The following ATXN2L variants were observed in gnomAD, a reference collection of about 807,000 sequenced individuals.
The protein encoded by ATXN2L is ataxin-2-like protein.
ATXN2L carries 24 observed loss-of-function variants against 120.7 expected under a neutral mutation model. The observed-to-expected ratio is 0.20, with a 90% CI of 0.14 to 0.28. The LOEUF (loss-of-function observed/expected upper bound fraction) is 0.28, where lower values mean the gene tolerates loss of function less well. Ranked by LOEUF, ATXN2L falls within the 10% of genes least tolerant of loss-of-function variation. The pLI is 1.00. For synonymous variants in ATXN2L, 653 were observed against 568.1 expected (o/e 1.15, Z -2.13); for missense variants, 1,312 against 1,432.3 (o/e 0.92, Z 1.36).
intron 5 of ATXN2L, 110 bp from the exon 6 acceptor site, chr16:28,826,752 A>C (rs12448482): frequency 7.6e-7 from 1 of 1,322,908 alleles, no homozygotes. Flanking sequence ...CGTACTCTGG[A>C]CTTCTTAAAC....
chr16:28,825,592 C>T (rs780204806), intron 2 of ATXN2L, 32 bp from the exon 3 acceptor site: 4 of 1,605,502 alleles, frequency 2.5e-6, no homozygotes, highest in African/African-American at 1.3e-5. Context: ...ACTGATTACT[C>T]CTTTAATTCT....
At position 28,832,536 on chromosome 16, in the gene ATXN2L, G is replaced by A; in HGVS notation, c.1557G>A (p.Glu519=). 6.2e-7 allele frequency: 1 copy of A among 1,614,208 alleles called. No individual in the cohort carries two copies. Among genetic ancestry groups the A allele is most frequent in the Non-Finnish European group, 8.5e-7 (1 of 1,180,026 alleles). Residue 519 remains glutamate, a synonymous_variant, in exon 12 of 22, where the codon GAG becomes GAA. Transcript: ENST00000336783. ...LSTKEPGRTL[E]PQELARIAGK... is the part of the protein sequence containing the mutation. ...CCAAGGAACCTGGGAGAACTCTGGAGCCCCAGGAGCTGGCTCGGATAGCTG... is the reference window on the plus strand; with the variant it reads ...CCAAGGAACCTGGGAGAACTCTGGAACCCCAGGAGCTGGCTCGGATAGCTG...
intron 20 of ATXN2L, 55 bp from the exon 21 acceptor site, chr16:28,835,494 T>A: frequency 6.2e-7 from 1 of 1,610,506 alleles, no homozygotes; most frequent in Non-Finnish European, 8.5e-7. Flanking sequence ...TGGCGAGGAC[T>A]GGGGGCCAGC....
chr16:28,830,844 G>A (rs2054106647), intron 9 of ATXN2L, 54 bp downstream of exon 9: 2 of 1,550,944 alleles, frequency 1.3e-6, no homozygotes, highest in Admixed American at 2.0e-5. Flanking sequence ...TGCCAAGGAG[G>A]TGGGAGGGTA....
chr16:28,825,931 A>C, intron 4 of ATXN2L, 90 bp downstream of exon 4: 1 of 1,261,548 alleles, frequency 7.9e-7, no homozygotes, highest in Non-Finnish European at 1.1e-6. Context: ...GGGTGATGTC[A>C]GAGTATGCCT....
chr16:28,827,944 A>G (rs1237106019), intron 6 of ATXN2L, among the ~76,000 whole-genome samples: 1 of 152,062 alleles, frequency 6.6e-6, no homozygotes, highest in East Asian at 1.9e-4. Flanking sequence ...TGAATATATT[A>G]TTGTTTTGTT....
chr16:28,824,366 T>C, intron 1 of ATXN2L: 1 of 1,230,548 alleles, frequency 8.1e-7, no homozygotes, highest in African/African-American at 1.6e-5. Context: ...AGGTGGGGGT[T>C]CGGAAAGTCC....
chr16:28,824,161 G>T (rs2050781389), intron 1 of ATXN2L: 1 of 1,023,246 alleles, frequency 9.8e-7, no homozygotes, highest in Non-Finnish European at 1.2e-6. Context: ...ACGTGCGCGT[G>T]GATGCTCGGT....
chr16:28,830,066 T>C lies in ATXN2L; in HGVS notation c.1034+8T>C, dbSNP rs1184142667. 1 of 1,607,088 alleles carries C rather than the reference T, an allele frequency of 6.2e-7. No homozygotes were observed. The highest frequency in any genetic ancestry group is 2.2e-5 in the East Asian group (1 of 44,658). ...CCCCAGCTTGGCATCCAGGTGACTG[T>C]TGCAAACAGCCAGGACTACTTGGGG... On this transcript the variant is annotated splice_region_variant and intron_variant, in intron 8 of 21. Coordinates refer to ENST00000336783, the MANE Select transcript of ATXN2L (RefSeq NM_007245.4).
In ATXN2L at chr16:28,836,523, T is replaced by C; in HGVS notation, c.*258T>C. ...CAGCAGACAGGGCCAGACTGGGGTGTGGGGGGCTGAGCTGGGCACATGAGT... is the reference window on the plus strand; with the variant it reads ...CAGCAGACAGGGCCAGACTGGGGTGCGGGGGGCTGAGCTGGGCACATGAGT... On this transcript the variant is annotated 3_prime_UTR_variant, in exon 22 of 22. Transcript: ENST00000336783. 6.3e-7 allele frequency: 1 copy of C among 1,594,976 alleles called. No homozygotes were observed. The highest frequency in any genetic ancestry group is 1.7e-4 in the Middle Eastern group (1 of 5,958).
At position 28,830,995 on chromosome 16, in the gene ATXN2L, C is replaced by T. The variant is rs1237978085; in HGVS notation, c.1244C>T (p.Pro415Leu). The T allele has an allele frequency of 3.1e-6, 5 of 1,602,408 alleles. No individual in the cohort carries two copies. Among genetic ancestry groups the T allele is most frequent in the Non-Finnish European group, 4.2e-6 (5 of 1,177,644 alleles). Residue 415 changes from proline (P) to leucine (L), a missense_variant, in exon 10 of 22, where the codon CCT becomes CTT. Coordinates refer to ENST00000336783, the MANE Select transcript of ATXN2L (RefSeq NM_007245.4). ...PSRMSPKAQR[P>L]LRGAKTLSSP... ...CGCATGTCCCCAAAGGCACAACGGCCTCTGAGAGGTGCCAAGACTCTGTCT... is the reference window on the plus strand; with the variant it reads ...CGCATGTCCCCAAAGGCACAACGGCTTCTGAGAGGTGCCAAGACTCTGTCT...
At position 28,834,230 on chromosome 16, in the gene ATXN2L, C is replaced by T. The variant is rs748793665; in HGVS notation, c.2172+19C>T. ...TGTGCAGGTATGCAGAGAGACTGGC[C>T]GGGCCCAGGGTTAGCGGGGTGGGAT... On this transcript the variant is annotated intron_variant, in intron 16 of 21. Transcript: ENST00000336783. The T allele has an allele frequency of 1.9e-5, 30 of 1,611,382 alleles. No homozygotes were observed. Among genetic ancestry groups the T allele is most frequent in the South Asian group, 1.8e-4 (16 of 90,972 alleles).
intron 6 of ATXN2L, 46 bp from the exon 7 acceptor site, chr16:28,829,355 G>A (rs750393287): frequency 9.7e-6 from 13 of 1,346,422 alleles, no homozygotes; most frequent in East Asian, 9.2e-5. Context: ...GTGACTTGTC[G>A]TTGCTTTTCC....
chr16:28,825,914 G>A lies in ATXN2L; in HGVS notation c.465+73G>A, dbSNP rs2051767322. 3 of 1,367,358 alleles carry A rather than the reference G, an allele frequency of 2.2e-6. No individual in the cohort carries two copies. The African/African-American group carries it at 4.3e-5, about 20-fold the overall frequency. 84.7% of individuals were successfully genotyped at this position (1,367,358 alleles called of 1,614,324 possible). A position where few individuals can be genotyped will look rare whatever the true frequency, so the allele number is the denominator to read the frequency against. ...AGAATGAAATAGGCTCATTGAAGGT[G>A]TCAATTGGGTGATGTCAGAGTATGC... On this transcript the variant is annotated intron_variant, in intron 4 of 21. Coordinates refer to ENST00000336783, the MANE Select transcript of ATXN2L (RefSeq NM_007245.4).
At position 28,834,790 on chromosome 16, in the gene ATXN2L, T is replaced by C. The variant is rs1038652037; in HGVS notation, c.2433+97T>C. ...GGAGCTGGCTAGGGGTGGCAGGCAG[T>C]GTTGTAGGTGGGATCGGCCCTCTGT... On this transcript the variant is annotated intron_variant, in intron 18 of 21. Coordinates refer to ENST00000336783, the MANE Select transcript of ATXN2L (RefSeq NM_007245.4). 1.4e-5 allele frequency: 20 copies of C among 1,399,824 alleles called. No homozygotes were observed. In the South Asian group the frequency reaches 2.2e-4, roughly 15 times the overall value. The allele number at this position is 1,399,824 out of a possible 1,614,324, so 86.7% of individuals were successfully genotyped here. A position where few individuals can be genotyped will look rare whatever the true frequency, so the allele number is the denominator to read the frequency against.
intron 1 of ATXN2L, chr16:28,823,987 C>T: frequency 1.8e-6 from 1 of 546,548 alleles, no homozygotes; most frequent in Non-Finnish European, 2.4e-6. Flanking sequence ...GGCGCGCGGC[C>T]CACAGTTTGG....
At chr16:28,828,414 C>A (rs62036623) in intron 6 of ATXN2L, among the ~76,000 whole-genome samples, 1 of 151,786 alleles carries the variant, frequency 6.6e-6, no homozygotes, top group South Asian at 2.1e-4. Context: ...TGGAGAAGCC[C>A]CATCTCTACT....
chr16:28,825,260 A>T, intron 1 of ATXN2L, 106 bp from the exon 2 acceptor site: 1 of 1,080,778 alleles, frequency 9.3e-7, no homozygotes. Flanking sequence ...TTTGTAGTCT[A>T]AATCAGCATC....
rs770654793 is a variant in ATXN2L at position 28,825,710 on chromosome 16, T to G, written c.393+30T>G. The G allele has an allele frequency of 4.3e-6, 7 of 1,613,562 alleles. No homozygotes were observed. The African/African-American group carries it at 5.3e-5, about 12-fold the overall frequency. ...GTTGGTACTTAACCCCCGGGTTGTT[T>G]AAGGAACGTAATGCATCTACTTTCT... is the stretch of plus-strand genomic sequence containing the variant. On this transcript the variant is annotated intron_variant, in intron 3 of 21. Transcript: ENST00000336783.
Sources: allele counts gnomAD v4.1 joint callset (sites outside exome capture counted in the v4.1 genomes callset), GRCh38; gene constraint gnomAD v4.1.1; transcripts MANE v1.5; gene names NCBI Gene and HGNC (gene_info 2026-07-23, HGNC 2026-07-21).